The following COL5A3 variants were observed in gnomAD, a reference collection of about 807,000 sequenced individuals.
The protein encoded by COL5A3 is collagen type V alpha 3 chain.
COL5A3 carries 172 observed loss-of-function variants against 250.0 expected under a neutral mutation model. The ratio of observed to expected loss-of-function variants is 0.69; its 90% confidence interval spans 0.61 to 0.78. The LOEUF is 0.78. Ranked by LOEUF, COL5A3 falls within the 30% of genes least tolerant of loss-of-function variation. The probability of loss-of-function intolerance (pLI) is 0.00; values close to 1 mark genes in which losing one functional copy is unlikely to be tolerated. For missense variants in COL5A3, 2,340 were observed against 2,334.4 expected (o/e 1.00, Z -0.05); for synonymous variants, 937 against 900.4 (o/e 1.04, Z -0.73).
Position 10,006,100 on chromosome 19 carries a change from C to A in COL5A3, c.220G>T (p.Gly74Cys). The A allele has an allele frequency of 1.9e-6, 3 of 1,613,944 alleles. No homozygotes were observed. The highest frequency in any genetic ancestry group is 2.5e-6 in the Non-Finnish European group (3 of 1,179,908). The change falls in exon 2 of 67, where the codon GGC becomes TGC. Residue 74 changes from glycine (G) to cysteine (C), a missense_variant. Gly to Cys is a radical substitution (Grantham distance 159, BLOSUM62 -3). This residue lies in a region of COL5A3 where 1,152 missense variants were observed against 1,146.3 expected (regional missense o/e 1.00). Transcript: ENST00000264828. ...AFRIGQASTLGIPTWELFPEG... is the reference protein window; with the variant it reads ...AFRIGQASTLCIPTWELFPEG... ...GGAAAGAGTTCCCACGTGGGGATGC[C>A]GAGCGTGCTGGCCTGGCCAATTCTG...
intron 51 of COL5A3, among the ~76,000 whole-genome samples, chr19:9,972,320 TTCAC>T (rs2086861629): frequency 2.3e-5 from 1 of 42,590 alleles, no homozygotes; most frequent in East Asian, 4.5e-4. Flanking sequence ...CGTTCATCCA[TTCAC>T]TCACTCGTTC....
Position 10,005,891 on chromosome 19 carries a change from AC to A in COL5A3, c.341del (p.Gly114ValfsTer16). On this transcript the variant is annotated frameshift_variant, in exon 3 of 67. Coordinates refer to ENST00000264828, the MANE Select transcript of COL5A3 (RefSeq NM_015719.4). LOFTEE classifies it high-confidence loss of function. Reference sequence around the variant, plus strand: ...CCAGTGCCAGGCCCAACTGCCGGGCACCCCTTTCATCATAAATGGACAGCAG... The same window carrying A: ...CCAGTGCCAGGCCCAACTGCCGGGCACCCTTTCATCATAAATGGACAGCAG... ...SVLLSIYDER[G>X]ARQLGLALGP... The A allele has an allele frequency of 6.2e-7, 1 of 1,613,900 alleles. No homozygotes were observed. The highest frequency in any genetic ancestry group is 1.1e-5 in the South Asian group (1 of 91,074).
chr19:10,006,081 A>T lies in COL5A3; in HGVS notation c.239T>A (p.Leu80His). The T allele has an allele frequency of 1.1e-5, 17 of 1,613,930 alleles. No homozygotes were observed. The highest frequency in any genetic ancestry group is 1.4e-5 in the Non-Finnish European group (16 of 1,179,892). Residue 80 changes from leucine (L) to histidine (H), a missense_variant, in exon 2 of 67, where the codon CTC (leucine) becomes CAC (histidine). This residue lies in a region of COL5A3 where 1,152 missense variants were observed against 1,146.3 expected (regional missense o/e 1.00). Coordinates refer to ENST00000264828, the MANE Select transcript of COL5A3 (RefSeq NM_015719.4). Reference sequence around the variant, plus strand: ...CTCCTACTCCAACTCACCTGGAAAGAGTTCCCACGTGGGGATGCCGAGCGT... The same window carrying T: ...CTCCTACTCCAACTCACCTGGAAAGTGTTCCCACGTGGGGATGCCGAGCGT... ...ASTLGIPTWELFPEGHFPENF... is the reference protein window; with the variant it reads ...ASTLGIPTWEHFPEGHFPENF...
At chr19:9,982,601 G>A (rs1021145268) in intron 31 of COL5A3, among the ~76,000 whole-genome samples, 29 of 152,152 alleles carry the variant, frequency 1.9e-4, no homozygotes, top group African/African-American at 6.3e-4. Context: ...CCACTGCCTG[G>A]CACACGGTGA....
intron 41 of COL5A3, 61 bp from the exon 42 acceptor site, chr19:9,977,762 T>TAAAAACCC: frequency 7.5e-7 from 1 of 1,334,162 alleles, no homozygotes; most frequent in Non-Finnish European, 9.9e-7. Context: ...TATGGAGGGT[T>TAAAAACCC]TTTAAGCCAC....
intron 16 of COL5A3, among the ~76,000 whole-genome samples, chr19:9,994,172 T>TG (rs1200492111): frequency 1.3e-5 from 2 of 151,708 alleles, no homozygotes; most frequent in African/African-American, 4.9e-5. Context: ...AAGATATTAT[T>TG]TTTTTTAATT....
In COL5A3 at chr19:10,004,056, T is replaced by C; in HGVS notation, c.684A>G (p.Ala228=). ...ERYLPDCDNL[A]PAATVAPQGE... ...CCTCACTCACCACTGTGGCTGCCGG[T>C]GCCAGGTTGTCACAGTCGGGGAGGT... Residue 228 remains alanine, a synonymous_variant, in exon 5 of 67, where the codon GCA becomes GCG. Transcript: ENST00000264828. 6.2e-7 allele frequency: 1 copy of C among 1,613,714 alleles called. No homozygotes were observed. The highest frequency in any genetic ancestry group is 8.5e-7 in the Non-Finnish European group (1 of 1,179,686).
intron 1 of COL5A3, among the ~76,000 whole-genome samples, chr19:10,007,439 C>T: frequency 6.6e-6 from 1 of 152,240 alleles, no homozygotes; most frequent in South Asian, 2.1e-4. Context: ...CCAACAGTTC[C>T]TAATCTAGGC....
chr19:9,984,117 G>A (rs535280118), intron 31 of COL5A3, among the ~76,000 whole-genome samples: 8 of 151,860 alleles, frequency 5.3e-5, no homozygotes, highest in East Asian at 1.9e-4. Flanking sequence ...TCTGCTTCCC[G>A]GGCTCAAGCA....
At chr19:10,001,694 A>G (rs2087364297) in intron 7 of COL5A3, 24 bp from the exon 8 acceptor site, 6 of 1,613,262 alleles carry the variant, frequency 3.7e-6, no homozygotes, top group Non-Finnish European at 5.1e-6. Context: ...GAAAGACCAA[A>G]GTTTTCCCTG....
Position 10,003,548 on chromosome 19 carries a change from G to A in COL5A3, c.849+17C>T. ...CAGGTGGTCAAAACCGGAAGTGAGAGGTCTCAGGGCCCTTACCTGGTTCTC... is the reference window on the plus strand; with the variant it reads ...CAGGTGGTCAAAACCGGAAGTGAGAAGTCTCAGGGCCCTTACCTGGTTCTC... On this transcript the variant is annotated intron_variant, in intron 6 of 66. Coordinates refer to ENST00000264828, the MANE Select transcript of COL5A3 (RefSeq NM_015719.4). 1 of 1,612,994 alleles carries A rather than the reference G, an allele frequency of 6.2e-7. No homozygotes were observed. The highest frequency in any genetic ancestry group is 8.5e-7 in the Non-Finnish European group (1 of 1,179,284).
In COL5A3 at chr19:9,968,128, C is replaced by T. The variant is rs74625263; in HGVS notation, c.4315-49G>A. The T allele has an allele frequency of 8.3e-3, 12,568 of 1,507,200 alleles. 59 individuals carry two copies. Among genetic ancestry groups the T allele is most frequent in the Non-Finnish European group, 9.9e-3 (10,931 of 1,107,344 alleles). 93.4% of individuals were successfully genotyped at this position (1,507,200 alleles called of 1,614,324 possible). On this transcript the variant is annotated intron_variant, in intron 59 of 66. Transcript: ENST00000264828. This position sits in a 1 kb window ranked among gnomAD's most constrained non-coding sequence, Gnocchi z 4.1. ...TATTGGTGGGGTACACCCTATTGCC[C>T]TGACACATCCCCCAGACAAGCCTTC... is the stretch of plus-strand genomic sequence containing the variant.
rs954155525 is a variant in COL5A3, at chr19:10,009,378, G to A, written c.88+920C>T. 2.0e-5 allele frequency among the ~76,000 whole-genome samples: 3 copies of A among 151,998 alleles called. No homozygotes were observed. Among genetic ancestry groups the A allele is most frequent in the Non-Finnish European group, 4.4e-5 (3 of 67,964 alleles). On this transcript the variant is annotated intron_variant, in intron 1 of 66. Coordinates refer to ENST00000264828, the MANE Select transcript of COL5A3 (RefSeq NM_015719.4). This position sits in a 1 kb window ranked among gnomAD's most constrained non-coding sequence, Gnocchi z 4.4. The stretch of plus-strand genomic sequence containing the variant: ...GGACAGGGCGCCCAGCCAGATGCGC[G>A]CAGCTGGGCGTGCGTCAGCGCTGAC...
chr19:10,000,452 C>CTTTTT lies in COL5A3; in HGVS notation c.1110+1067_1110+1071dup, dbSNP rs576119335. On this transcript the variant is annotated intron_variant, in intron 8 of 66. Coordinates refer to ENST00000264828, the MANE Select transcript of COL5A3 (RefSeq NM_015719.4). Reference sequence around the variant, plus strand: ...TGTGCCATTCAGCAGCCAGAGAGCTCTTTTTTTTTTTTTTTTTTTTTTTTT... The same window carrying CTTTTT: ...TGTGCCATTCAGCAGCCAGAGAGCTCTTTTTTTTTTTTTTTTTTTTTTTTTTTTTT... Among the ~76,000 whole-genome samples, 183 of 62,796 alleles carry CTTTTT rather than the reference C, an allele frequency of 2.9e-3. 22 individuals carry two copies. The highest frequency in any genetic ancestry group is 4.5e-3 in the Non-Finnish European group (155 of 34,590). The allele number at this position is 62,796 out of a possible 152,430, so 41.2% of individuals were successfully genotyped here.
chr19:9,971,395 G>A, intron 51 of COL5A3, 137 bp from the exon 52 acceptor site: 1 of 673,478 alleles, frequency 1.5e-6, no homozygotes, highest in Non-Finnish European at 2.5e-6. Context: ...TCCCTGGCTT[G>A]GTAGAGCGAA....
Position 9,960,354 on chromosome 19 carries a change from G to A in COL5A3, c.*57C>T, listed in dbSNP as rs868455616. The stretch of plus-strand genomic sequence containing the variant: ...AAAATACGGTGGCTTCAAAGCCTCA[G>A]CACCAAATGCACCCCATTCTGGGGC... On this transcript the variant is annotated 3_prime_UTR_variant, in exon 67 of 67. Coordinates refer to ENST00000264828, the MANE Select transcript of COL5A3 (RefSeq NM_015719.4). The A allele has an allele frequency of 1.2e-6, 2 of 1,605,980 alleles. No homozygotes were observed. The highest frequency in any genetic ancestry group is 1.7e-6 in the Non-Finnish European group (2 of 1,174,562).
intron 1 of COL5A3, 81 bp from the exon 2 acceptor site, chr19:10,006,312 A>C: frequency 3.5e-5 from 48 of 1,372,208 alleles, no homozygotes; most frequent in Non-Finnish European, 4.4e-5. Flanking sequence ...ATAGAGGCTC[A>C]GGGTTTTTTT....
At chr19:9,989,399 C>G (rs1398245571) in intron 25 of COL5A3, 33 bp from the exon 26 acceptor site, 8 of 1,613,890 alleles carry the variant, frequency 5.0e-6, no homozygotes, top group African/African-American at 1.3e-5. Flanking sequence ...TGTCAGAGAC[C>G]AAAACTTGCC....
At chr19:9,993,236 A>C (rs988713669) in intron 19 of COL5A3, 144 bp downstream of exon 19, 23 of 1,116,038 alleles carry the variant, frequency 2.1e-5, no homozygotes, top group Non-Finnish European at 3.0e-5. Context: ...CCAATCCTAG[A>C]CCTGCAAGTC....
Sources: gnomAD v4.1 joint callset for allele counts (sites outside exome capture counted in the v4.1 genomes callset) on GRCh38, gnomAD v4.1.1 for gene constraint, gnomAD v4.1.1 regional missense constraint, Gnocchi (gnomAD v3.1) non-coding constraint, MANE v1.5 for transcripts, NCBI Gene and HGNC (gene_info 2026-07-23, HGNC 2026-07-21) for gene names.